The following ANKS1A variants were observed in gnomAD, a reference collection of about 807,000 sequenced individuals.
ANKS1A encodes ankyrin repeat and SAM domain-containing protein 1A.
ANKS1A carries 55 observed loss-of-function variants against 120.3 expected under a neutral mutation model. The observed-to-expected ratio is 0.46, with a 90% CI of 0.37 to 0.57. The LOEUF is 0.57. ANKS1A is among the 20% of genes least tolerant of loss of function. The pLI is 0.00. For synonymous variants in ANKS1A, 590 were observed against 604.7 expected, an observed-to-expected ratio of 0.98 and a Z score of 0.36; for missense variants, 1,123 against 1,480.3, an observed-to-expected ratio of 0.76 and a Z score of 3.96.
Position 35,090,893 on chromosome 6 carries a change from A to G in ANKS1A, c.*2284A>G, listed in dbSNP as rs928705071. 41 of 985,714 alleles carry G rather than the reference A, an allele frequency of 4.2e-5. No homozygotes were observed. The highest frequency in any genetic ancestry group is 4.8e-5 in the Non-Finnish European group (40 of 830,128). 61.1% of individuals were successfully genotyped at this position (985,714 alleles called of 1,614,324 possible). On this transcript the variant is annotated 3_prime_UTR_variant, in exon 24 of 24. Transcript: ENST00000360359. Reference sequence around the variant, plus strand: ...CCCCTGCCCACCAGCTGCTCAGCGCATAAGACCTTCCCGACAGGCTCTGCG... The same window carrying G: ...CCCCTGCCCACCAGCTGCTCAGCGCGTAAGACCTTCCCGACAGGCTCTGCG...
chr6:35,083,265 G>C (rs768958632), intron 19 of ANKS1A, 39 bp downstream of exon 19: 173 of 1,612,786 alleles, frequency 1.1e-4, no homozygotes, highest in Non-Finnish European at 1.4e-4. Context: ...CTGTGGGACT[G>C]GCCAGCAGAA....
At chr6:34,922,385 A>G (rs1325482622) in intron 1 of ANKS1A, among the ~76,000 whole-genome samples, 1 of 152,156 alleles carries the variant, frequency 6.6e-6, no homozygotes, top group Admixed American at 6.5e-5. Context: ...CAAGTACTAC[A>G]TTGTACTGTC....
At chr6:35,095,770 C>A (rs950007585), downstream of ANKS1A, among the ~76,000 whole-genome samples, 4 of 152,142 alleles carry the variant, frequency 2.6e-5, no homozygotes, top group African/African-American at 9.6e-5. Flanking sequence ...CCATCACAAC[C>A]TTATACCAAA....
rs376646593 is a variant in ANKS1A at position 34,904,760 on chromosome 6, C to T, written c.197+15161C>T. On this transcript the variant is annotated intron_variant, in intron 1 of 23. Transcript: ENST00000360359. ...ACAAAAAACAAAATGTTTTGCACTT[C>T]CTGTTGCTCAAGGTGACATCTGATT... Among the ~76,000 whole-genome samples the T allele has an allele frequency of 3.3e-5, 5 of 152,230 alleles. No individual in the cohort carries two copies. The East Asian group carries it at 5.8e-4, about 18-fold the overall frequency.
chr6:34,967,096 G>C, intron 1 of ANKS1A, 143 bp from the exon 2 acceptor site: 1 of 698,234 alleles, frequency 1.4e-6, no homozygotes, highest in South Asian at 1.8e-5. Context: ...TAGCTGCTGT[G>C]TGTTATCAGG....
chr6:35,060,241 T>C lies in ANKS1A; in HGVS notation c.2172T>C (p.Asp724=). The C allele has an allele frequency of 6.2e-7, 1 of 1,611,568 alleles. No individual in the cohort carries two copies. The highest frequency in any genetic ancestry group is 8.5e-7 in the Non-Finnish European group (1 of 1,179,410). ...ESKLLLNGFD[D]VHFLGSNVME... ...AGTTGCTTCTGAATGGCTTTGACGA[T>C]GTCCACTTCCTGGTAAGTGGCTGCA... Residue 724 remains aspartate, a synonymous_variant, in exon 13 of 24, where the codon GAT becomes GAC. Coordinates refer to ENST00000360359, the MANE Select transcript of ANKS1A (RefSeq NM_015245.3). This position sits in a 1 kb window ranked among gnomAD's most constrained non-coding sequence, Gnocchi z 4.5.
chr6:35,002,152 G>A lies in ANKS1A; in HGVS notation c.1423+7730G>A, dbSNP rs1773203837. 1.3e-5 allele frequency among the ~76,000 whole-genome samples: 2 copies of A among 151,996 alleles called. 1 individual carries two copies. Among genetic ancestry groups the A allele is most frequent in the South Asian group, 4.2e-4 (2 of 4,794 alleles). ...CATTGAAGTTTGCAACACCCTAAAC[G>A]CCACCACCTCACTCTTGGTATCAGA... is the stretch of plus-strand genomic sequence containing the variant. On this transcript the variant is annotated intron_variant, in intron 10 of 23. Coordinates refer to ENST00000360359, the MANE Select transcript of ANKS1A (RefSeq NM_015245.3).
downstream of ANKS1A, among the ~76,000 whole-genome samples, chr6:35,092,018 G>A (rs1778324787): frequency 6.6e-6 from 1 of 152,188 alleles, no homozygotes; most frequent in African/African-American, 2.4e-5. Flanking sequence ...GATTGACGGA[G>A]CACCTTGGCC....
intron 10 of ANKS1A, among the ~76,000 whole-genome samples, chr6:35,012,577 G>T (rs1773818525): frequency 6.6e-6 from 1 of 152,208 alleles, no homozygotes; most frequent in South Asian, 2.1e-4. Flanking sequence ...CTCCTCACAT[G>T]AGCTGCATTC....
At chr6:34,994,258 A>G (rs1247943938) in intron 9 of ANKS1A, 44 bp from the exon 10 acceptor site, 4 of 1,601,700 alleles carry the variant, frequency 2.5e-6, no homozygotes, top group Non-Finnish European at 2.6e-6. Flanking sequence ...CTGTCTTGGT[A>G]TTAGCCACAT....
At chr6:34,968,273 G>A (rs1770995295) in intron 2 of ANKS1A, among the ~76,000 whole-genome samples, 1 of 152,194 alleles carries the variant, frequency 6.6e-6, no homozygotes, top group African/African-American at 2.4e-5. Flanking sequence ...AAGTGATTGG[G>A]CACTGCCTTT....
At chr6:35,078,055 G>C (rs1777460333) in intron 13 of ANKS1A, among the ~76,000 whole-genome samples, 1 of 152,182 alleles carries the variant, frequency 6.6e-6, no homozygotes, top group Non-Finnish European at 1.5e-5. Flanking sequence ...CCTGGGACAA[G>C]GACGCCCTTT....
Position 35,060,009 on chromosome 6 carries a change from T to C in ANKS1A, c.2078-138T>C. 1 of 639,892 alleles carries C rather than the reference T, an allele frequency of 1.6e-6. No homozygotes were observed. Among genetic ancestry groups the C allele is most frequent in the Non-Finnish European group, 2.8e-6 (1 of 355,718 alleles). The allele number at this position is 639,892 out of a possible 1,614,324, so 39.6% of individuals were successfully genotyped here. On this transcript the variant is annotated intron_variant, in intron 12 of 23. Coordinates refer to ENST00000360359, the MANE Select transcript of ANKS1A (RefSeq NM_015245.3). The surrounding 1 kb of genome is among the most constrained non-coding windows in gnomAD (Gnocchi z 4.5). Reference sequence around the variant, plus strand: ...GAGGAGCTGCGTGTCTGCTGCTCTCTGGTCTCTTGTATATAGTTTGGCTGT... The same window carrying C: ...GAGGAGCTGCGTGTCTGCTGCTCTCCGGTCTCTTGTATATAGTTTGGCTGT...
chr6:34,907,438 G>A (rs1048060644), intron 1 of ANKS1A, among the ~76,000 whole-genome samples: 3 of 152,128 alleles, frequency 2.0e-5, no homozygotes, highest in Admixed American at 2.0e-4. Flanking sequence ...GGTCAGCTGT[G>A]AGAAACCCAA....
chr6:34,916,717 C>G (rs1768184122), intron 1 of ANKS1A, among the ~76,000 whole-genome samples: 1 of 152,112 alleles, frequency 6.6e-6, no homozygotes, highest in South Asian at 2.1e-4. Context: ...TTCAAAGTTC[C>G]TTCTGTGTAG....
intron 1 of ANKS1A, 24 bp from the exon 2 acceptor site, chr6:34,967,211 GTCTC>G (rs748336813): frequency 1.1e-4 from 180 of 1,603,958 alleles, no homozygotes; most frequent in African/African-American, 7.9e-4. Flanking sequence ...TGAAATCTAT[GTCTC>G]TCTCTTTTTT....
intron 1 of ANKS1A, 149 bp from the exon 2 acceptor site, chr6:34,967,090 T>G (rs1477120019): frequency 1.5e-6 from 1 of 679,376 alleles, no homozygotes; most frequent in Admixed American, 2.4e-5. Context: ...AGTGTATAGC[T>G]GCTGTGTGTT....
At chr6:34,946,504 C>T (rs1157948307) in intron 1 of ANKS1A, among the ~76,000 whole-genome samples, 2 of 151,444 alleles carry the variant, frequency 1.3e-5, no homozygotes, top group East Asian at 3.9e-4. Flanking sequence ...GGGAGAATTG[C>T]TTGAACCCAG....
chr6:35,004,723 T>G (rs1215763955), intron 10 of ANKS1A, among the ~76,000 whole-genome samples: 1 of 152,108 alleles, frequency 6.6e-6, no homozygotes, highest in Non-Finnish European at 1.5e-5. Flanking sequence ...AAGACCAACC[T>G]GGCAACATAG....
Sources: gnomAD v4.1 joint callset for allele counts (sites outside exome capture counted in the v4.1 genomes callset) on GRCh38, gnomAD v4.1.1 for gene constraint, Gnocchi (gnomAD v3.1) non-coding constraint, MANE v1.5 for transcripts, NCBI Gene and HGNC (gene_info 2026-07-23, HGNC 2026-07-21) for gene names.